Variants in PLPP2 observed in about 807,000 individuals in gnomAD.
PLPP2 encodes phospholipid phosphatase 2, also known as PAP2-gamma.
In PLPP2, 29 loss-of-function variants were observed where a neutral mutation model predicts 35.2. That is an observed-to-expected ratio of 0.82 (90% CI 0.61 to 1.12). The LOEUF (loss-of-function observed/expected upper bound fraction) is 1.12, where lower values mean the gene tolerates loss of function less well. Ranked by LOEUF, PLPP2 falls within the 50% of genes most tolerant of loss-of-function variation. The pLI is 0.00. For synonymous variants in PLPP2, 162 were observed against 167.0 expected (o/e 0.97, Z 0.23); for missense variants, 353 against 375.2 (o/e 0.94, Z 0.49).
intron 1 of PLPP2, among the ~76,000 whole-genome samples, chr19:289,857 G>T (rs139194491): frequency 6.6e-6 from 1 of 152,062 alleles, no homozygotes; most frequent in South Asian, 2.1e-4. Context: ...GTTGCCGGCC[G>T]GGTGGAAAGT....
intron 1 of PLPP2, among the ~76,000 whole-genome samples, chr19:290,756 C>T (rs925489278): frequency 6.6e-6 from 1 of 152,144 alleles, no homozygotes; most frequent in Admixed American, 6.5e-5. Context: ...CCCAGTGTCT[C>T]CCCCGCCCGA....
chr19:288,086 G>A lies in PLPP2; in HGVS notation c.138C>T (p.Pro46=). ...FYCGDDSIRY[P]YRPDTITHGL... ...CGTGGGTGATGGTATCTGGACGGTA[G>A]GGGTACCGGATGGAGTCATCCCCGC... Residue 46 remains proline (P), a synonymous_variant, in exon 2 of 6, where the codon CCC becomes CCT. Transcript: ENST00000434325. The A allele has an allele frequency of 6.2e-7, 1 of 1,613,706 alleles. No homozygotes were observed. Among genetic ancestry groups the A allele is most frequent in the Non-Finnish European group, 8.5e-7 (1 of 1,179,868 alleles).
Position 288,178 on chromosome 19 carries a change from G to C in PLPP2, c.53-7C>G. 1 of 1,565,666 alleles carries C rather than the reference G, an allele frequency of 6.4e-7. No individual in the cohort carries two copies. Among genetic ancestry groups the C allele is most frequent in the Non-Finnish European group, 8.7e-7 (1 of 1,151,464 alleles). ...ATAGCGAAGGGCAGGGAGGCTGGTG[G>C]GGAAGAAAAGCCTGGGAGCTGTGAG... On this transcript the variant is annotated splice_region_variant and splice_polypyrimidine_tract_variant and intron_variant, in intron 1 of 5. Coordinates refer to ENST00000434325, the MANE Select transcript of PLPP2 (RefSeq NM_003712.4).
At chr19:281,558 G>A (rs757433483) in intron 5 of PLPP2, 21 bp from the exon 6 acceptor site, 3 of 1,456,140 alleles carry the variant, frequency 2.1e-6, no homozygotes, top group Non-Finnish European at 2.7e-6. Flanking sequence ...AGAGGGTGGT[G>A]AGAATGGGCA....
Position 288,157 on chromosome 19 carries a change from C to CTGGTGGG in PLPP2, c.66_67insCCCACCA (p.Ala23ProfsTer21). ...GGGGCGTTCACCAGCGTCAGGATAGCGAAGGGCAGGGAGGCTGGTGGGGAA... is the reference window on the plus strand; with the variant it reads ...GGGGCGTTCACCAGCGTCAGGATAGCTGGTGGGGAAGGGCAGGGAGGCTGGTGGGGAA... On this transcript the variant is annotated frameshift_variant, in exon 2 of 6. Coordinates refer to ENST00000434325, the MANE Select transcript of PLPP2 (RefSeq NM_003712.4). LOFTEE classifies it high-confidence loss of function. 1 of 1,589,596 alleles carries CTGGTGGG rather than the reference C, an allele frequency of 6.3e-7. No individual in the cohort carries two copies. The highest frequency in any genetic ancestry group is 1.7e-4 in the Middle Eastern group (1 of 5,942).
chr19:290,371 A>C (rs1274569894), intron 1 of PLPP2, among the ~76,000 whole-genome samples: 3 of 152,238 alleles, frequency 2.0e-5, no homozygotes, highest in Non-Finnish European at 4.4e-5. Flanking sequence ...GTTTACATAA[A>C]TAACACCATA....
chr19:282,220 C>T lies in PLPP2; in HGVS notation c.631G>A (p.Gly211Ser), dbSNP rs1970187677. Residue 211 changes from glycine (G) to serine (S), a missense_variant, in exon 5 of 6, where the codon GGC becomes AGC. Physicochemically the swap from Gly to Ser is moderately conservative, Grantham distance 56 (BLOSUM62 0). Transcript: ENST00000434325. ...TTGTAATCAGACACGCGGGTGTAGC[C>T]CACGTAGAGGGCAAAGGCCACCAGG... Reference protein sequence around the residue: ...FFLVAFALYVGYTRVSDYKHH... With the variant: ...FFLVAFALYVSYTRVSDYKHH... 1 of 1,613,724 alleles carries T rather than the reference C, an allele frequency of 6.2e-7. No individual in the cohort carries two copies. Among genetic ancestry groups the T allele is most frequent in the African/African-American group, 1.3e-5 (1 of 74,834 alleles).
chr19:290,463 C>G (rs956389017), intron 1 of PLPP2, among the ~76,000 whole-genome samples: 12 of 152,326 alleles, frequency 7.9e-5, no homozygotes, highest in African/African-American at 2.9e-4. Context: ...AAAAAAGGGT[C>G]TCCTTCCGGA....
chr19:287,971 G>GCCCCCCCCCCTCC lies in PLPP2; in HGVS notation c.204+48_204+49insGGAGGGGGGGGGG. 2.2e-6 allele frequency: 3 copies of GCCCCCCCCCCTCC among 1,378,584 alleles called. No homozygotes were observed. Among genetic ancestry groups the GCCCCCCCCCCTCC allele is most frequent in the Admixed American group, 4.7e-5 (2 of 42,876 alleles). The allele number at this position is 1,378,584 out of a possible 1,614,324, so 85.4% of individuals were successfully genotyped here. A position where few individuals can be genotyped will look rare whatever the true frequency, so the allele number is the denominator to read the frequency against. ...CCATCAGGCCCCCAGGGTAAAGCTG[G>GCCCCCCCCCCTCC]CCCCACCCCATCCCCCTACCCAGTC... is the stretch of plus-strand genomic sequence containing the variant. On this transcript the variant is annotated intron_variant, in intron 2 of 5. Transcript: ENST00000434325. This position sits in a 1 kb window ranked among gnomAD's most constrained non-coding sequence, Gnocchi z 4.3.
chr19:283,801 C>A (rs1358659116), intron 3 of PLPP2: 2 of 152,188 alleles, frequency 1.3e-5, no homozygotes, highest in Non-Finnish European at 2.9e-5. Flanking sequence ...TGCACACAGA[C>A]CCTTCTACAA....
intron 1 of PLPP2, among the ~76,000 whole-genome samples, chr19:290,350 G>A (rs1271997802): frequency 6.6e-6 from 1 of 152,198 alleles, no homozygotes; most frequent in Non-Finnish European, 1.5e-5. Flanking sequence ...TACAGAAAGT[G>A]CCACCTAAAT....
chr19:282,752 C>A lies in PLPP2; in HGVS notation c.540G>T (p.Ala180=), dbSNP rs761102865. The part of the protein sequence containing the change: ...SFGMYCMVFL[A]LYVQARLCWK... Reference sequence around the variant, plus strand: ...GCAAGCCCGGGAGAAACAGACTCACCGCCAAGAACACCATGCAGTACATCC... The same window carrying A: ...GCAAGCCCGGGAGAAACAGACTCACAGCCAAGAACACCATGCAGTACATCC... The change falls in exon 4 of 6, where the codon GCG becomes GCT. Residue 180 remains alanine (A), a splice_region_variant and synonymous_variant. Coordinates refer to ENST00000434325, the MANE Select transcript of PLPP2 (RefSeq NM_003712.4). The A allele has an allele frequency of 6.2e-7, 1 of 1,612,822 alleles. No homozygotes were observed. Among genetic ancestry groups the A allele is most frequent in the Non-Finnish European group, 8.5e-7 (1 of 1,179,108 alleles).
chr19:291,181 AC>A (rs201395122), intron 1 of PLPP2, 103 bp downstream of exon 1: 59,142 of 1,560,612 alleles, frequency 0.038, 1,359 homozygotes, highest in East Asian at 0.089. Context: ...CCTCGGAGGG[AC>A]GAGGGCGCGC....
chr19:281,657 T>C, intron 5 of PLPP2, 120 bp from the exon 6 acceptor site: 4 of 947,578 alleles, frequency 4.2e-6, no homozygotes, highest in East Asian at 2.8e-5. Flanking sequence ...AGGTGGGAAA[T>C]GAGAGGAGTA....
At chr19:288,256 G>A (rs1408911961) in intron 1 of PLPP2, 85 bp from the exon 2 acceptor site, 1 of 1,385,918 alleles carries the variant, frequency 7.2e-7, no homozygotes, top group African/African-American at 1.5e-5. Context: ...TGGCCTGGAG[G>A]CCTCCCACCT....
intron 1 of PLPP2, among the ~76,000 whole-genome samples, chr19:290,785 C>A (rs1411906025): frequency 1.3e-5 from 2 of 152,168 alleles, no homozygotes; most frequent in African/African-American, 4.8e-5. Context: ...GGCGGCTGGG[C>A]CTCCCCGCAC....
At chr19:282,721 C>T (rs374969253) in intron 4 of PLPP2, 31 bp downstream of exon 4, 22 of 1,602,772 alleles carry the variant, frequency 1.4e-5, no homozygotes, top group Admixed American at 3.3e-5. Context: ...ATGGTTCCCC[C>T]GAAAAGCAAG....
intron 1 of PLPP2, among the ~76,000 whole-genome samples, chr19:289,982 A>G (rs1291545761): frequency 6.6e-6 from 1 of 152,106 alleles, no homozygotes. Context: ...CTCCAACTAG[A>G]GACGCAGGCA....
At chr19:288,877 T>C (rs145825919) in intron 1 of PLPP2, among the ~76,000 whole-genome samples, 14 of 152,186 alleles carry the variant, frequency 9.2e-5, no homozygotes, top group African/African-American at 3.4e-4. Flanking sequence ...AGATGTTTAA[T>C]AAACATCGGT....
Sources: gnomAD v4.1 joint callset for allele counts (sites outside exome capture counted in the v4.1 genomes callset) on GRCh38, gnomAD v4.1.1 for gene constraint, Gnocchi (gnomAD v3.1) non-coding constraint, MANE v1.5 for transcripts, NCBI Gene and HGNC (gene_info 2026-07-23, HGNC 2026-07-21) for gene names.